KIRREL3: variants seen among roughly 807,000 people sequenced by gnomAD.
KIRREL3 encodes kin of IRRE-like protein 3.
A neutral mutation model predicts 89.7 loss-of-function variants in KIRREL3; 36 were observed. The observed-to-expected ratio is 0.40, with a 90% confidence interval of 0.31 to 0.53. KIRREL3 has a LOEUF of 0.53. KIRREL3 is among the 20% of genes least tolerant of loss of function. KIRREL3 has a pLI of 0.49. For missense variants in KIRREL3, 864 were observed against 1,056.6 expected (o/e 0.82, Z 2.53); for synonymous variants, 445 against 441.4 (o/e 1.01, Z -0.10).
In KIRREL3 at chr11:126,525,723, T is replaced by C. The variant is rs1958729470; in HGVS notation, c.283+815A>G. On this transcript the variant is annotated intron_variant, in intron 3 of 16. Transcript: ENST00000525144. This position sits in a 1 kb window ranked among gnomAD's most constrained non-coding sequence, Gnocchi z 5.4. ...AGGTCCCTGCTTGTGAATTTTACTG[T>C]GTACGCCAAGCCTAGCAAACAACCA... is the stretch of plus-strand genomic sequence containing the variant. 6.6e-6 allele frequency among the ~76,000 whole-genome samples: 1 copy of C among 152,158 alleles called. No homozygotes were observed. The highest frequency in any genetic ancestry group is 6.5e-5 in the Admixed American group (1 of 15,282).
chr11:126,540,958 T>A (rs900922319), intron 2 of KIRREL3, among the ~76,000 whole-genome samples: 3 of 152,228 alleles, frequency 2.0e-5, no homozygotes, highest in Admixed American at 2.0e-4. Flanking sequence ...TTGGGATGTG[T>A]TGGAGCAGCA....
In KIRREL3 at chr11:126,424,741, G is replaced by C; in HGVS notation, c.2176C>G (p.Gln726Glu). The change falls in exon 17 of 17, where the codon CAG becomes GAG. Residue 726 changes from glutamine (Q) to glutamate (E), a missense_variant. Physicochemically the swap from Gln to Glu is conservative, Grantham distance 29. Transcript: ENST00000525144. The stretch of plus-strand genomic sequence containing the variant: ...CTGCTGCTGACGCTGCTGTCACACT[G>C]CGTGTCCAGGAAGGAGCTGCTGTCG... ...LSDSSSFLDT[Q>E]CDSSVSSSGK... is the part of the protein sequence containing the mutation. 6.2e-7 allele frequency: 1 copy of C among 1,614,048 alleles called. No homozygotes were observed. Among genetic ancestry groups the C allele is most frequent in the Non-Finnish European group, 8.5e-7 (1 of 1,179,904 alleles).
intron 1 of KIRREL3, among the ~76,000 whole-genome samples, chr11:126,952,540 A>G (rs1166682242): frequency 6.6e-6 from 1 of 152,120 alleles, no homozygotes; most frequent in East Asian, 1.9e-4. Context: ...TTGTCTGTTC[A>G]CTCTGATGAT....
At position 126,476,457 on chromosome 11, in the gene KIRREL3, G is replaced by A. The variant is rs911693531; in HGVS notation, c.434-2991C>T. 1.4e-4 allele frequency among the ~76,000 whole-genome samples: 22 copies of A among 152,272 alleles called. No individual in the cohort carries two copies. The highest frequency in any genetic ancestry group is 2.9e-4 in the Non-Finnish European group (20 of 68,016). On this transcript the variant is annotated intron_variant, in intron 4 of 16. Coordinates refer to ENST00000525144, the MANE Select transcript of KIRREL3 (RefSeq NM_032531.4). This position sits in a 1 kb window ranked among gnomAD's most constrained non-coding sequence, Gnocchi z 6.4. Reference sequence around the variant, plus strand: ...TGGAGTGTTGTGTTACTGGAATATCGGATTAGAGGCAGCGAGGACGAGGGA... The same window carrying A: ...TGGAGTGTTGTGTTACTGGAATATCAGATTAGAGGCAGCGAGGACGAGGGA...
chr11:126,951,536 T>C (rs1433284035), intron 1 of KIRREL3, among the ~76,000 whole-genome samples: 1 of 152,124 alleles, frequency 6.6e-6, no homozygotes, highest in African/African-American at 2.4e-5. Context: ...TGTATTCTGC[T>C]TAGGAATGAT....
chr11:126,445,390 C>T (rs576503876), intron 9 of KIRREL3, among the ~76,000 whole-genome samples: 11 of 152,272 alleles, frequency 7.2e-5, no homozygotes, highest in East Asian at 5.8e-4. Flanking sequence ...GCACATGTGC[C>T]GGAGGAGGGG....
In KIRREL3 at chr11:126,620,253, T is replaced by C. The variant is rs141855760; in HGVS notation, c.56-57341A>G. Among the ~76,000 whole-genome samples, 132 of 152,360 alleles carry C rather than the reference T, an allele frequency of 8.7e-4. No individual in the cohort carries two copies. In the East Asian group the frequency reaches 0.02, roughly 23 times the overall value. On this transcript the variant is annotated intron_variant, in intron 1 of 16. Transcript: ENST00000525144. This position sits in a 1 kb window ranked among gnomAD's most constrained non-coding sequence, Gnocchi z 4.8. Reference sequence around the variant, plus strand: ...AAACTTCCCTTGTTCTTTGAATTGATCCTTGGATTCTAGACCCAAGGTGGA... The same window carrying C: ...AAACTTCCCTTGTTCTTTGAATTGACCCTTGGATTCTAGACCCAAGGTGGA...
Position 126,843,734 on chromosome 11 carries a change from T to G in KIRREL3, c.55+156721A>C, listed in dbSNP as rs1044034260. Among the ~76,000 whole-genome samples the G allele has an allele frequency of 2.0e-5, 3 of 152,286 alleles. No individual in the cohort carries two copies. The highest frequency in any genetic ancestry group is 4.1e-4 in the South Asian group (2 of 4,822). ...CACAAGATACAGGTCATGGAGACTT[T>G]GCTGATAAAACAGCTTACAGTAAAA... On this transcript the variant is annotated intron_variant, in intron 1 of 16. Transcript: ENST00000525144. The surrounding 1 kb of genome is among the most constrained non-coding windows in gnomAD (Gnocchi z 4.6).
intron 1 of KIRREL3, among the ~76,000 whole-genome samples, chr11:126,923,600 C>T (rs983631892): frequency 7.2e-5 from 11 of 151,854 alleles, no homozygotes; most frequent in South Asian, 4.2e-4. Context: ...CCTGCCACCA[C>T]GCTCAGCTAA....
In KIRREL3 at chr11:126,429,180, A is replaced by G; in HGVS notation, c.1805T>C (p.Met602Thr). The change falls in exon 15 of 17, where the codon ATG becomes ACG. Residue 602 changes from methionine (M) to threonine (T), a missense_variant and splice_region_variant. Physicochemically the swap from Met to Thr is moderately conservative, Grantham distance 81. Coordinates refer to ENST00000525144, the MANE Select transcript of KIRREL3 (RefSeq NM_032531.4). The surrounding 1 kb of genome is among the most constrained non-coding windows in gnomAD (Gnocchi z 5.2). Reference sequence around the variant, plus strand: ...GATGGGGCGTAATTGCATTCTTACCATCAGCTGCTTGATGGTGGAGTGCTC... The same window carrying G: ...GATGGGGCGTAATTGCATTCTTACCGTCAGCTGCTTGATGGTGGAGTGCTC... ...GEEHSTIKQL[M>T]MDRGEFQQDS... 2.5e-6 allele frequency: 4 copies of G among 1,603,388 alleles called. No homozygotes were observed. Among genetic ancestry groups the G allele is most frequent in the Non-Finnish European group, 3.4e-6 (4 of 1,170,406 alleles).
At chr11:126,853,191 C>T (rs972380531) in intron 1 of KIRREL3, among the ~76,000 whole-genome samples, 17 of 151,988 alleles carry the variant, frequency 1.1e-4, no homozygotes, top group Non-Finnish European at 2.1e-4. Context: ...GTGTTTTTTC[C>T]CTTCAGTGTC....
At chr11:126,720,082 A>G (rs1446400975) in intron 1 of KIRREL3, among the ~76,000 whole-genome samples, 1 of 152,140 alleles carries the variant, frequency 6.6e-6, no homozygotes, top group Admixed American at 6.5e-5. Flanking sequence ...CTTGGTCCTT[A>G]CTATTTTTCC....
At chr11:126,466,242 C>T (rs1956721961) in intron 5 of KIRREL3, among the ~76,000 whole-genome samples, 1 of 152,238 alleles carries the variant, frequency 6.6e-6, no homozygotes, top group Non-Finnish European at 1.5e-5. Context: ...GTTTGTTCCA[C>T]CTAATTAGAG....
At position 126,709,816 on chromosome 11, in the gene KIRREL3, C is replaced by T. The variant is rs1651081836; in HGVS notation, c.56-146904G>A. On this transcript the variant is annotated intron_variant, in intron 1 of 16. Transcript: ENST00000525144. This position sits in a 1 kb window ranked among gnomAD's most constrained non-coding sequence, Gnocchi z 4.0. ...ATCGTGGTATTTTGTTACAGCAGCC[C>T]AGGGAAACTAATACAGGAGGCCGGG... Among the ~76,000 whole-genome samples, 1 of 152,086 alleles carries T rather than the reference C, an allele frequency of 6.6e-6. No individual in the cohort carries two copies. Among genetic ancestry groups the T allele is most frequent in the Non-Finnish European group, 1.5e-5 (1 of 68,024 alleles).
chr11:126,728,581 T>A lies in KIRREL3; in HGVS notation c.56-165669A>T, dbSNP rs982406253. Among the ~76,000 whole-genome samples, 9 of 152,282 alleles carry A rather than the reference T, an allele frequency of 5.9e-5. No individual in the cohort carries two copies. In the East Asian group the frequency reaches 1.7e-3, roughly 29 times the overall value. ...GTTGGTTAGAGTGCTTGCCACCTGC[T>A]GCACACAGGAATTAGCTTCCAGGCT... On this transcript the variant is annotated intron_variant, in intron 1 of 16. Transcript: ENST00000525144.
Position 126,946,509 on chromosome 11 carries a change from TTAAG to T in KIRREL3, c.55+53942_55+53945del, listed in dbSNP as rs1948624023. On this transcript the variant is annotated intron_variant, in intron 1 of 16. Coordinates refer to ENST00000525144, the MANE Select transcript of KIRREL3 (RefSeq NM_032531.4). The surrounding 1 kb of genome is among the most constrained non-coding windows in gnomAD (Gnocchi z 4.1). ...TAAAATCTACAGACTAGACTAGATG[TTAAG>T]TAAGGTGACTTTCCACTCTAAAACT... 6.6e-6 allele frequency among the ~76,000 whole-genome samples: 1 copy of T among 152,246 alleles called. No individual in the cohort carries two copies. The highest frequency in any genetic ancestry group is 1.5e-5 in the Non-Finnish European group (1 of 68,044).
chr11:126,450,541 G>A (rs1426226519), intron 7 of KIRREL3, among the ~76,000 whole-genome samples: 1 of 151,438 alleles, frequency 6.6e-6, no homozygotes, highest in Non-Finnish European at 1.5e-5. Flanking sequence ...GTGTGCATGT[G>A]TGTCAATGTG....
rs1267174513 is a variant in KIRREL3 at position 126,780,607 on chromosome 11, CA to C, written c.56-217696del. On this transcript the variant is annotated intron_variant, in intron 1 of 16. Transcript: ENST00000525144. This position sits in a 1 kb window ranked among gnomAD's most constrained non-coding sequence, Gnocchi z 5.3. ...CATCAAGCTTGGGGGATGTCCCATGCAAAGGTAAACGAGTACCCAGAGGTGC... is the reference window on the plus strand; with the variant it reads ...CATCAAGCTTGGGGGATGTCCCATGCAAGGTAAACGAGTACCCAGAGGTGC... Among the ~76,000 whole-genome samples, 11 of 152,172 alleles carry C rather than the reference CA, an allele frequency of 7.2e-5. No homozygotes were observed. The highest frequency in any genetic ancestry group is 7.2e-4 in the Admixed American group (11 of 15,286).
chr11:126,549,873 A>G (rs934796558), intron 2 of KIRREL3: 7 of 152,170 alleles, frequency 4.6e-5, no homozygotes, highest in African/African-American at 1.7e-4. Context: ...GGCAGGCTGC[A>G]AGTTTCTTGT....
Sources: allele counts gnomAD v4.1 joint callset (sites outside exome capture counted in the v4.1 genomes callset), GRCh38; gene constraint gnomAD v4.1.1; non-coding constraint Gnocchi (gnomAD v3.1); transcripts MANE v1.5; gene names NCBI Gene and HGNC (gene_info 2026-07-23, HGNC 2026-07-21).